SGSM2: variants seen among roughly 807,000 people sequenced by gnomAD.
The protein encoded by SGSM2 is small G protein signaling modulator 2.
Under a neutral mutation model 126.6 loss-of-function variants are expected in SGSM2, and 89 were observed. The ratio of observed to expected loss-of-function variants is 0.70; its 90% CI spans 0.59 to 0.84. SGSM2 has a LOEUF of 0.84. SGSM2 is among the 40% of genes least tolerant of loss of function. The probability of loss-of-function intolerance (pLI) is 0.00; values close to 1 mark genes in which losing one functional copy is unlikely to be tolerated. For synonymous variants in SGSM2, 614 were observed against 574.3 expected, an observed-to-expected ratio of 1.07 and a Z score of -0.99; for missense variants, 1,404 against 1,416.6, an observed-to-expected ratio of 0.99 and a Z score of 0.14.
In SGSM2 at chr17:2,380,575, C is replaced by T; in HGVS notation, c.*1055C>T. 3.8e-6 allele frequency: 2 copies of T among 530,898 alleles called. No individual in the cohort carries two copies. The highest frequency in any genetic ancestry group is 4.1e-5 in the South Asian group (2 of 48,662). 32.9% of individuals were successfully genotyped at this position (530,898 alleles called of 1,614,324 possible). On this transcript the variant is annotated 3_prime_UTR_variant, in exon 24 of 24. Coordinates refer to ENST00000268989, the MANE Select transcript of SGSM2 (RefSeq NM_014853.3). ...CAAGAGGCCTAGGAACCCAGAAACC[C>T]CCTTGGAGGAGCTGTGTATGCGGGG...
At chr17:2,339,302 G>A (rs1035892326) in intron 1 of SGSM2, among the ~76,000 whole-genome samples, 1 of 151,916 alleles carries the variant, frequency 6.6e-6, no homozygotes, top group Non-Finnish European at 1.5e-5. Context: ...CAGGCACAGT[G>A]GTGGGCACCT....
Position 2,375,670 on chromosome 17 carries a change from T to G in SGSM2, c.2279T>G (p.Val760Gly), listed in dbSNP as rs773006177. The change falls in exon 18 of 24, where the codon GTG (valine) becomes GGG (glycine). Residue 760 changes from valine to glycine, a missense_variant. Transcript: ENST00000268989. Reference sequence around the variant, plus strand: ...CTGCCCTCCTCTCGCAATTACTCCGTGGCCTCGGGCATCCAGTCAAGCCTA... The same window carrying G: ...CTGCCCTCCTCTCGCAATTACTCCGGGGCCTCGGGCATCCAGTCAAGCCTA... ...SGLPSSRNYS[V>G]ASGIQSSLDE... 2 of 1,613,838 alleles carry G rather than the reference T, an allele frequency of 1.2e-6. No individual in the cohort carries two copies. The highest frequency in any genetic ancestry group is 4.5e-5 in the East Asian group (2 of 44,882).
At chr17:2,344,954 G>A (rs1030613054) in intron 2 of SGSM2, among the ~76,000 whole-genome samples, 9 of 152,096 alleles carry the variant, frequency 5.9e-5, no homozygotes, top group African/African-American at 1.4e-4. Flanking sequence ...AAGAATATTC[G>A]TCTCTCCTCC....
chr17:2,380,395 T>C lies in SGSM2; in HGVS notation c.*875T>C. 8.2e-7 allele frequency: 1 copy of C among 1,226,598 alleles called. No individual in the cohort carries two copies. Among genetic ancestry groups the C allele is most frequent in the Non-Finnish European group, 1.2e-6 (1 of 866,222 alleles). 76.0% of individuals were successfully genotyped at this position (1,226,598 alleles called of 1,614,324 possible). On this transcript the variant is annotated 3_prime_UTR_variant, in exon 24 of 24. Coordinates refer to ENST00000268989, the MANE Select transcript of SGSM2 (RefSeq NM_014853.3). ...GGAAGAATCCGGTCACAGCCTCCCC[T>C]CAGAGACAGGCCTCAGTTCGAGGGC...
At chr17:2,358,176 T>G (rs1452984784) in intron 2 of SGSM2, among the ~76,000 whole-genome samples, 1 of 152,172 alleles carries the variant, frequency 6.6e-6, no homozygotes, top group Non-Finnish European at 1.5e-5. Flanking sequence ...GGAGTTCTGC[T>G]TGGTGCTCTG....
chr17:2,371,858 C>G (rs2065887008), intron 13 of SGSM2: 1 of 420,156 alleles, frequency 2.4e-6, no homozygotes, highest in Admixed American at 4.1e-5. Context: ...GAGGTGTTCT[C>G]TTTTACCTTT....
rs780223962 is a variant in SGSM2, at chr17:2,361,669, A to G, written c.166A>G (p.Arg56Gly). ...GGAGGCTTGCCTCTTGCATCAGCTG[A>G]GACGCCGTGCCGCTGGCTTCCTGCG... is the stretch of plus-strand genomic sequence containing the variant. ...AVEACLLHQL[R>G]RRAAGFLRSD... Residue 56 changes from arginine to glycine, a missense_variant, in exon 3 of 24, where the codon AGA becomes GGA. Physicochemically the swap from Arg to Gly is moderately radical, Grantham distance 125. Transcript: ENST00000268989. The G allele has an allele frequency of 6.2e-7, 1 of 1,613,956 alleles. No homozygotes were observed. Among genetic ancestry groups the G allele is most frequent in the East Asian group, 2.2e-5 (1 of 44,878 alleles).
At position 2,357,554 on chromosome 17, in the gene SGSM2, A is replaced by G. The variant is rs151151670; in HGVS notation, c.134-4083A>G. ...CTCTTGTCACCCAGGCTGGAGTGCA[A>G]TGGCGCGATCTCAACTCACTGCAAC... is the stretch of plus-strand genomic sequence containing the variant. On this transcript the variant is annotated intron_variant, in intron 2 of 23. Coordinates refer to ENST00000268989, the MANE Select transcript of SGSM2 (RefSeq NM_014853.3). Among the ~76,000 whole-genome samples, 157 of 152,128 alleles carry G rather than the reference A, an allele frequency of 1.0e-3. 2 individuals carry two copies. The East Asian group carries it at 0.028, about 27-fold the overall frequency.
rs138905892 is a variant in SGSM2, at chr17:2,372,977, C to T, written c.1813C>T (p.Arg605Trp). The T allele has an allele frequency of 8.2e-5, 129 of 1,575,624 alleles. No homozygotes were observed. The highest frequency in any genetic ancestry group is 5.0e-4 in the Middle Eastern group (3 of 6,014). ...GAACTACAAAGAGCTGGAGCTGCTG[C>T]GGCAAGTTTACTACGGAGGCATAGA... ...KKNYKELELLRQVYYGGIEHE... is the reference protein window; with the variant it reads ...KKNYKELELLWQVYYGGIEHE... The change falls in exon 16 of 24, where the codon CGG (arginine) becomes TGG (tryptophan). Residue 605 changes from arginine (R) to tryptophan (W), a missense_variant. By Grantham distance (101) the Arg-to-Trp change is moderately radical (BLOSUM62 -3). Coordinates refer to ENST00000268989, the MANE Select transcript of SGSM2 (RefSeq NM_014853.3). The surrounding 1 kb of genome is among the most constrained non-coding windows in gnomAD (Gnocchi z 6.0).
intron 17 of SGSM2, 33 bp from the exon 18 acceptor site, chr17:2,375,459 T>C: frequency 6.4e-7 from 1 of 1,571,872 alleles, no homozygotes; most frequent in Non-Finnish European, 8.6e-7. Flanking sequence ...GGTGCTGGAG[T>C]GCAGGTGGAG....
At chr17:2,377,705 G>C in intron 21 of SGSM2, 152 bp from the exon 22 acceptor site, 1 of 559,212 alleles carries the variant, frequency 1.8e-6, no homozygotes, top group East Asian at 3.0e-5. Context: ...ATCCGAGGGG[G>C]AGAGAGTGCA....
chr17:2,371,696 A>C, intron 13 of SGSM2: 1 of 436,362 alleles, frequency 2.3e-6, no homozygotes. Context: ...AACCCAAGTG[A>C]AGGTCCGGAG....
chr17:2,338,376 A>T (rs1040597029), intron 1 of SGSM2, among the ~76,000 whole-genome samples: 1 of 152,062 alleles, frequency 6.6e-6, no homozygotes, highest in Non-Finnish European at 1.5e-5. Context: ...TCAGAAAGAG[A>T]AGTAGTCCTT....
intron 2 of SGSM2, among the ~76,000 whole-genome samples, chr17:2,345,221 G>T (rs1247469129): frequency 3.3e-5 from 5 of 152,184 alleles, no homozygotes; most frequent in Admixed American, 3.3e-4. Context: ...CCAGCACTTT[G>T]GGAGGTGAGG....
intron 2 of SGSM2, among the ~76,000 whole-genome samples, chr17:2,352,260 T>C (rs1002748291): frequency 1.3e-5 from 2 of 152,204 alleles, no homozygotes; most frequent in Non-Finnish European, 2.9e-5. Flanking sequence ...CCTGAACCAC[T>C]GGCCCCCAGG....
At position 2,362,940 on chromosome 17, in the gene SGSM2, G is replaced by A; in HGVS notation, c.526+35G>A. On this transcript the variant is annotated intron_variant, in intron 5 of 23. Coordinates refer to ENST00000268989, the MANE Select transcript of SGSM2 (RefSeq NM_014853.3). The surrounding 1 kb of genome is among the most constrained non-coding windows in gnomAD (Gnocchi z 4.9). ...AGAGCACAGGCACAGTGGGTACGGGGCAGGTGCTGAGGGAGCATCGTCTGG... is the reference window on the plus strand; with the variant it reads ...AGAGCACAGGCACAGTGGGTACGGGACAGGTGCTGAGGGAGCATCGTCTGG... 1.2e-6 allele frequency: 2 copies of A among 1,614,124 alleles called. No homozygotes were observed. The highest frequency in any genetic ancestry group is 8.5e-7 in the Non-Finnish European group (1 of 1,180,010).
chr17:2,379,349 G>T, intron 23 of SGSM2, 83 bp from the exon 24 acceptor site: 1 of 1,568,890 alleles, frequency 6.4e-7, no homozygotes, highest in Non-Finnish European at 8.7e-7. Context: ...AGAGCAGATG[G>T]AAACAGAGCA....
chr17:2,362,781 G>T lies in SGSM2; in HGVS notation c.459-57G>T. ...GGGGATGTCCCTACCTGGTGAGCTT[G>T]ACTGCCCTGGAATGAGCCCCGGAGC... is the stretch of plus-strand genomic sequence containing the variant. On this transcript the variant is annotated intron_variant, in intron 4 of 23. Transcript: ENST00000268989. This position sits in a 1 kb window ranked among gnomAD's most constrained non-coding sequence, Gnocchi z 4.9. The T allele has an allele frequency of 1.3e-6, 2 of 1,583,016 alleles. No individual in the cohort carries two copies. Among genetic ancestry groups the T allele is most frequent in the South Asian group, 2.2e-5 (2 of 90,214 alleles).
chr17:2,351,027 T>C (rs2429901), intron 2 of SGSM2, among the ~76,000 whole-genome samples: 81,786 of 151,700 alleles, frequency 0.54, 22,567 homozygotes, highest in East Asian at 0.75. Context: ...CTGAGGAGGG[T>C]GGATCACTTG....
Sources: allele counts gnomAD v4.1 joint callset (sites outside exome capture counted in the v4.1 genomes callset), GRCh38; gene constraint gnomAD v4.1.1; non-coding constraint Gnocchi (gnomAD v3.1); transcripts MANE v1.5; gene names NCBI Gene and HGNC (gene_info 2026-07-23, HGNC 2026-07-21).